The following BACE2 variants were observed in gnomAD, a reference collection of about 807,000 sequenced individuals.
BACE2 encodes beta-secretase 2, also known as 56 kDa aspartic-like protease.
Under a neutral mutation model 46.2 loss-of-function variants are expected in BACE2, and 17 were observed. The observed-to-expected ratio is 0.37, with a 90% CI of 0.25 to 0.55. The LOEUF is 0.55. Ranked by LOEUF, BACE2 falls within the 20% of genes least tolerant of loss-of-function variation. BACE2 has a pLI of 0.82. For missense variants in BACE2, 595 were observed against 698.1 expected, an observed-to-expected ratio of 0.85 and a Z score of 1.66; for synonymous variants, 277 against 295.9, an observed-to-expected ratio of 0.94 and a Z score of 0.66.
At chr21:41,237,174 G>A (rs147395877) in intron 2 of BACE2, among the ~76,000 whole-genome samples, 52 of 152,288 alleles carry the variant, frequency 3.4e-4, no homozygotes, top group African/African-American at 1.2e-3. Flanking sequence ...TTAGCCGGGC[G>A]CAGTGGCTCA....
chr21:41,270,944 G>T (rs919242856), intron 8 of BACE2, among the ~76,000 whole-genome samples: 3 of 152,056 alleles, frequency 2.0e-5, no homozygotes, highest in Non-Finnish European at 4.4e-5. Context: ...ATTTCTCTTT[G>T]CATTTTCATC....
chr21:41,172,289 A>C (rs1984633380), intron 1 of BACE2, among the ~76,000 whole-genome samples: 1 of 152,248 alleles, frequency 6.6e-6, no homozygotes, highest in South Asian at 2.1e-4. Context: ...AATCAGCTTG[A>C]AACAACAAGG....
At chr21:41,249,882 A>G (rs1418619782) in intron 6 of BACE2, among the ~76,000 whole-genome samples, 1 of 152,200 alleles carries the variant, frequency 6.6e-6, no homozygotes, top group Non-Finnish European at 1.5e-5. Flanking sequence ...ACTAGTGAAT[A>G]TGGGCAGATG....
intron 7 of BACE2, among the ~76,000 whole-genome samples, chr21:41,256,927 A>T (rs1192397177): frequency 6.6e-6 from 1 of 152,048 alleles, no homozygotes; most frequent in Non-Finnish European, 1.5e-5. Context: ...CCTGTGTGTA[A>T]CTCCAGGTGG....
chr21:41,183,181 G>T, intron 1 of BACE2: 1 of 165,520 alleles, frequency 6.0e-6, no homozygotes. Flanking sequence ...AGATCACCGA[G>T]AACCAAGGTA....
At chr21:41,215,704 GGCTGTTTCACATCTCCAAGGC>G (rs2123555038) in intron 1 of BACE2, among the ~76,000 whole-genome samples, 1 of 152,292 alleles carries the variant, frequency 6.6e-6, no homozygotes, top group East Asian at 1.9e-4. Context: ...GACCTCCATG[GGCTGTTTCACATCTCCAAGGC>G]GTTTCTGTTT....
intron 1 of BACE2, among the ~76,000 whole-genome samples, chr21:41,201,172 G>T (rs1292511497): frequency 6.6e-6 from 1 of 152,200 alleles, no homozygotes; most frequent in African/African-American, 2.4e-5. Context: ...TTATCCTCTG[G>T]ACCATGCAAA....
chr21:41,263,362 CTT>C (rs1987987052), intron 8 of BACE2, among the ~76,000 whole-genome samples: 1 of 152,172 alleles, frequency 6.6e-6, no homozygotes, highest in African/African-American at 2.4e-5. Flanking sequence ...CATAAAATAA[CTT>C]AAGTAATACA....
chr21:41,244,755 G>A (rs1032557654), intron 5 of BACE2, among the ~76,000 whole-genome samples: 7 of 152,144 alleles, frequency 4.6e-5, no homozygotes, highest in Admixed American at 2.0e-4. Flanking sequence ...TAAAAATGAT[G>A]GTCGCTTCTA....
rs1457541595 is a variant in BACE2, at chr21:41,226,392, G to T, written c.401+38G>T. Reference sequence around the variant, plus strand: ...CCCTTGGCTGGTGTGCTGGGCCGGGGCACTGCATGATCAACATGCTTCAAA... The same window carrying T: ...CCCTTGGCTGGTGTGCTGGGCCGGGTCACTGCATGATCAACATGCTTCAAA... On this transcript the variant is annotated intron_variant, in intron 2 of 8. Coordinates refer to ENST00000330333, the MANE Select transcript of BACE2 (RefSeq NM_012105.5). The T allele has an allele frequency of 5.8e-6, 9 of 1,557,892 alleles. No homozygotes were observed. The African/African-American group carries it at 1.2e-4, about 21-fold the overall frequency.
intron 1 of BACE2, among the ~76,000 whole-genome samples, chr21:41,187,070 C>G (rs73222244): frequency 6.6e-6 from 1 of 152,208 alleles, no homozygotes; most frequent in South Asian, 2.1e-4. Flanking sequence ...AATCAAGTCC[C>G]GCCTCCTGCC....
chr21:41,184,705 C>T (rs185614148), intron 1 of BACE2: 325 of 167,032 alleles, frequency 1.9e-3, no homozygotes, highest in African/African-American at 3.5e-3. Flanking sequence ...AGGGAATTGG[C>T]GAGAACCCCC....
At chr21:41,200,299 A>G (rs1167961057) in intron 1 of BACE2, among the ~76,000 whole-genome samples, 1 of 152,170 alleles carries the variant, frequency 6.6e-6, no homozygotes, top group Non-Finnish European at 1.5e-5. Context: ...TTATTTCAGA[A>G]TGAAATTTCG....
rs1340381832 is a variant in BACE2, at chr21:41,280,418, A to C, written c.*4794A>C. On this transcript the variant is annotated 3_prime_UTR_variant, in exon 9 of 9. Coordinates refer to ENST00000330333, the MANE Select transcript of BACE2 (RefSeq NM_012105.5). ...TTCTGTCAGAGACTTCCAGGAAAGGAGCTCCCTCCTGTCTCACTGCTGTCA... is the reference window on the plus strand; with the variant it reads ...TTCTGTCAGAGACTTCCAGGAAAGGCGCTCCCTCCTGTCTCACTGCTGTCA... The C allele has an allele frequency of 1.3e-5, 2 of 152,210 alleles. No individual in the cohort carries two copies. The highest frequency in any genetic ancestry group is 2.9e-5 in the Non-Finnish European group (2 of 68,074). 9.4% of individuals were successfully genotyped at this position (152,210 alleles called of 1,614,324 possible). A position where few individuals can be genotyped will look rare whatever the true frequency, so the allele number is the denominator to read the frequency against.
chr21:41,202,431 G>A (rs1175423227), intron 1 of BACE2, among the ~76,000 whole-genome samples: 1 of 152,236 alleles, frequency 6.6e-6, no homozygotes, highest in African/African-American at 2.4e-5. Context: ...CAGCCAGGTG[G>A]AAGAGGGCAT....
chr21:41,213,550 G>A (rs557925131), intron 1 of BACE2, among the ~76,000 whole-genome samples: 49 of 152,138 alleles, frequency 3.2e-4, no homozygotes, highest in Non-Finnish European at 5.6e-4. Context: ...CAAGGCGGGC[G>A]GATCACCAGG....
chr21:41,226,123 A>G (rs1271847555), intron 1 of BACE2, 143 bp from the exon 2 acceptor site: 5 of 639,318 alleles, frequency 7.8e-6, no homozygotes, highest in East Asian at 5.6e-5. Context: ...AGCTTTTTCT[A>G]TTCTCCTCGT....
At chr21:41,224,605 T>G (rs1020287784) in intron 1 of BACE2, among the ~76,000 whole-genome samples, 5 of 152,246 alleles carry the variant, frequency 3.3e-5, no homozygotes, top group African/African-American at 1.2e-4. Flanking sequence ...CAACTGGGCA[T>G]GTGTCTGGAC....
intron 1 of BACE2, among the ~76,000 whole-genome samples, chr21:41,173,401 C>T (rs1224757909): frequency 3.9e-5 from 6 of 152,182 alleles, no homozygotes; most frequent in Non-Finnish European, 4.4e-5. Context: ...TGCTTCCCTT[C>T]TGTACTTCTG....
Sources: allele counts gnomAD v4.1 joint callset (sites outside exome capture counted in the v4.1 genomes callset), GRCh38; gene constraint gnomAD v4.1.1; transcripts MANE v1.5; gene names NCBI Gene and HGNC (gene_info 2026-07-23, HGNC 2026-07-21).